Variants in PLEKHA7 observed in about 807,000 individuals in gnomAD.
PLEKHA7 encodes pleckstrin homology domain containing A7.
In PLEKHA7, 104 loss-of-function variants were observed where a neutral mutation model predicts 170.0. The ratio of observed to expected loss-of-function variants is 0.61; its 90% CI spans 0.52 to 0.72. The LOEUF is 0.72. Among genes scored for constraint, PLEKHA7 ranks in the 30% least tolerant of loss-of-function variants. The pLI is 0.00. For synonymous variants in PLEKHA7, 648 were observed against 660.8 expected, an observed-to-expected ratio of 0.98 and a Z score of 0.30; for missense variants, 1,615 against 1,671.7, an observed-to-expected ratio of 0.97 and a Z score of 0.59.
At chr11:16,930,740 A>C (rs755959966) in intron 3 of PLEKHA7, among the ~76,000 whole-genome samples, 6 of 152,252 alleles carry the variant, frequency 3.9e-5, no homozygotes, top group Non-Finnish European at 7.3e-5. Flanking sequence ...AGAGGGGAGG[A>C]AAATACAAAC....
At chr11:16,888,245 C>A (rs1486890366) in intron 3 of PLEKHA7, among the ~76,000 whole-genome samples, 1 of 146,846 alleles carries the variant, frequency 6.8e-6, no homozygotes, top group African/African-American at 2.5e-5. Context: ...CCAGCAGCCG[C>A]CCCGTCCAGG....
intron 18 of PLEKHA7, 67 bp downstream of exon 18, chr11:16,794,843 G>T: frequency 6.9e-7 from 1 of 1,446,854 alleles, no homozygotes; most frequent in Non-Finnish European, 9.7e-7. Context: ...CTGGTTCCCA[G>T]CCTTCCACCC....
intron 3 of PLEKHA7, among the ~76,000 whole-genome samples, chr11:16,911,789 G>GA (rs1455010240): frequency 1.3e-5 from 2 of 152,080 alleles, no homozygotes; most frequent in African/African-American, 4.8e-5. Flanking sequence ...AAAAGCTTGA[G>GA]AAAAAAGTTA....
chr11:16,780,683 G>T (rs1400672333), intron 26 of PLEKHA7, among the ~76,000 whole-genome samples: 1 of 152,214 alleles, frequency 6.6e-6, no homozygotes, highest in Admixed American at 6.5e-5. Context: ...CACAGTTCCG[G>T]TTCTAGAGAT....
At chr11:16,847,764 C>T (rs563711348) in intron 8 of PLEKHA7, among the ~76,000 whole-genome samples, 1 of 150,454 alleles carries the variant, frequency 6.6e-6, no homozygotes, top group East Asian at 2.0e-4. Flanking sequence ...ACTGCCTGAA[C>T]CCAGGAGGCG....
intron 8 of PLEKHA7, among the ~76,000 whole-genome samples, 167 bp downstream of exon 8, chr11:16,851,024 G>A (rs181320510): frequency 2.8e-4 from 43 of 152,256 alleles, no homozygotes; most frequent in African/African-American, 6.7e-4. Context: ...TGACAGTACC[G>A]GTCATGTGAT....
intron 3 of PLEKHA7, among the ~76,000 whole-genome samples, chr11:16,954,376 A>C (rs1201617053): frequency 1.3e-5 from 2 of 151,812 alleles, no homozygotes; most frequent in African/African-American, 4.8e-5. Context: ...ACAACAACAA[A>C]AATTTAAATT....
At chr11:16,938,750 C>T (rs943263129) in intron 3 of PLEKHA7, among the ~76,000 whole-genome samples, 1 of 152,112 alleles carries the variant, frequency 6.6e-6, no homozygotes, top group African/African-American at 2.4e-5. Context: ...AGTTTATCTG[C>T]ACCTCATTAA....
intron 4 of PLEKHA7, among the ~76,000 whole-genome samples, chr11:16,865,836 C>CATTT (rs774802739): frequency 3.6e-4 from 54 of 152,054 alleles, no homozygotes; most frequent in Admixed American, 5.9e-4. Flanking sequence ...ACAAATACTT[C>CATTT]ATTTATTTAT....
intron 8 of PLEKHA7, among the ~76,000 whole-genome samples, chr11:16,850,869 G>C (rs771939279): frequency 9.8e-5 from 15 of 152,294 alleles, no homozygotes; most frequent in Non-Finnish European, 2.2e-4. Context: ...TGCATGAAAT[G>C]GCTGGATGCT....
intron 3 of PLEKHA7, among the ~76,000 whole-genome samples, chr11:16,896,853 G>A (rs1857024768): frequency 6.6e-6 from 1 of 152,292 alleles, no homozygotes; most frequent in Middle Eastern, 3.4e-3. Context: ...TGAGGACCAT[G>A]TCCTTATCTC....
intron 3 of PLEKHA7, among the ~76,000 whole-genome samples, chr11:16,879,191 T>C (rs1427890790): frequency 6.6e-6 from 1 of 152,246 alleles, no homozygotes. Flanking sequence ...TATTGCTCTC[T>C]GCTTATTTCA....
At chr11:16,833,062 T>G (rs1031581902) in intron 9 of PLEKHA7, among the ~76,000 whole-genome samples, 1 of 152,154 alleles carries the variant, frequency 6.6e-6, no homozygotes, top group Non-Finnish European at 1.5e-5. Context: ...AGGAAGGAGA[T>G]AGCCAGGGAG....
intron 3 of PLEKHA7, among the ~76,000 whole-genome samples, chr11:16,931,118 G>C (rs1166340656): frequency 2.0e-5 from 3 of 152,096 alleles, no homozygotes; most frequent in Admixed American, 2.0e-4. Flanking sequence ...TAAAATCAAA[G>C]AACAAAACCA....
chr11:16,961,731 G>C (rs945362341), intron 3 of PLEKHA7, among the ~76,000 whole-genome samples: 1 of 152,242 alleles, frequency 6.6e-6, no homozygotes, highest in African/African-American at 2.4e-5. Flanking sequence ...ATCTTCCAGA[G>C]AGGGGGTGAG....
rs554205355 is a variant in PLEKHA7 at position 16,882,240 on chromosome 11, T to C, written c.222-11058A>G. Among the ~76,000 whole-genome samples, 406 of 152,362 alleles carry C rather than the reference T, an allele frequency of 2.7e-3. 2 individuals carry two copies. Among genetic ancestry groups the C allele is most frequent in the African/African-American group, 9.3e-3 (386 of 41,580 alleles). On this transcript the variant is annotated intron_variant, in intron 3 of 26. Transcript: ENST00000531066. ...ACTGTATTACTAAAACTCGTATCCA[T>C]CTTTTCCCTTTTAGAAACCTCCATA...
At chr11:16,889,480 T>C (rs1210989450) in intron 3 of PLEKHA7, among the ~76,000 whole-genome samples, 2 of 146,118 alleles carry the variant, frequency 1.4e-5, no homozygotes, top group Admixed American at 6.9e-5. Context: ...CACACACCTG[T>C]AGTCCCAGCT....
intron 3 of PLEKHA7, among the ~76,000 whole-genome samples, chr11:16,925,175 T>TGGGGTCCCC (rs1340482227): frequency 1.3e-5 from 2 of 152,214 alleles, no homozygotes; most frequent in Non-Finnish European, 2.9e-5. Flanking sequence ...TGCGGGGCCG[T>TGGGGTCCCC]GGGGTCCCCA....
Position 16,822,498 on chromosome 11 carries a change from A to AG in PLEKHA7, c.1343+3621dup, listed in dbSNP as rs200440171. 1.6e-4 allele frequency among the ~76,000 whole-genome samples: 17 copies of AG among 107,520 alleles called. No homozygotes were observed. In the South Asian group the frequency reaches 1.6e-3, roughly 10 times the overall value. 70.5% of individuals were successfully genotyped at this position (107,520 alleles called of 152,430 possible). On this transcript the variant is annotated intron_variant, in intron 10 of 26. Transcript: ENST00000531066. ...CACATCTCAAGTGTCTGCTTTTGGT[A>AG]GGGGAAAAAAAAAAAAAAAAAAAAA...
Sources: allele counts gnomAD v4.1 joint callset (sites outside exome capture counted in the v4.1 genomes callset), GRCh38; gene constraint gnomAD v4.1.1; transcripts MANE v1.5; gene names NCBI Gene and HGNC (gene_info 2026-07-23, HGNC 2026-07-21).